NTAQ1: variants seen among roughly 807,000 people sequenced by gnomAD.
The protein encoded by NTAQ1 is N-terminal glutamine amidase 1, also known as protein N-terminal glutamine amidohydrolase.
In NTAQ1, 21 loss-of-function variants were observed where a neutral mutation model predicts 28.2. The observed-to-expected ratio is 0.74, with a 90% CI of 0.53 to 1.07. The LOEUF is 1.07. Ranked by LOEUF, NTAQ1 falls within the 50% of genes least tolerant of loss-of-function variation. The pLI is 0.00. For missense variants in NTAQ1, 264 were observed against 256.6 expected (o/e 1.03, Z -0.20); for synonymous variants, 105 against 90.0 (o/e 1.17, Z -0.94).
intron 6 of NTAQ1, among the ~76,000 whole-genome samples, chr8:123,461,889 C>G (rs1815833632): frequency 6.6e-6 from 1 of 152,054 alleles, no homozygotes; most frequent in African/African-American, 2.4e-5. Context: ...TTGGAGGAGG[C>G]TATGGCTAGA....
chr8:123,448,243 A>G (rs12675493), downstream of NTAQ1: 55,174 of 152,182 alleles, frequency 0.36, 10,129 homozygotes, highest in East Asian at 0.56. Flanking sequence ...TGATTTGGCC[A>G]TTTAGTCCTC....
At chr8:123,460,124 A>G (rs1264378940) in intron 6 of NTAQ1, among the ~76,000 whole-genome samples, 2 of 152,172 alleles carry the variant, frequency 1.3e-5, no homozygotes. Flanking sequence ...TTTATTTCAC[A>G]GCAGATATCT....
At chr8:123,436,028 G>A (rs1814686858) in intron 3 of NTAQ1, among the ~76,000 whole-genome samples, 2 of 151,328 alleles carry the variant, frequency 1.3e-5, no homozygotes, top group Admixed American at 6.6e-5. Flanking sequence ...AATTAGCTGG[G>A]CATCGTGGTG....
At chr8:123,430,706 G>A (rs1017196970) in intron 3 of NTAQ1, among the ~76,000 whole-genome samples, 41 of 152,114 alleles carry the variant, frequency 2.7e-4, no homozygotes, top group African/African-American at 9.2e-4. Context: ...GCTTGAACCC[G>A]GGAGGTGGAG....
At chr8:123,427,354 G>GCAATTCTCCTGCCTCAGCCTCC (rs1381777212) in intron 1 of NTAQ1, among the ~76,000 whole-genome samples, 27 of 146,716 alleles carry the variant, frequency 1.8e-4, no homozygotes, top group African/African-American at 6.5e-4. Flanking sequence ...TCAGGTTCGA[G>GCAATTCTCCTGCCTCAGCCTCC]CAATTCTCCT....
At chr8:123,427,342 T>G (rs1157039265) in intron 1 of NTAQ1, among the ~76,000 whole-genome samples, 1 of 148,316 alleles carries the variant, frequency 6.7e-6, no homozygotes, top group Admixed American at 6.9e-5. Flanking sequence ...AACTTCTGTC[T>G]CTCAGGTTCG....
intron 6 of NTAQ1, among the ~76,000 whole-genome samples, chr8:123,460,911 G>A (rs568495537): frequency 2.2e-4 from 33 of 152,330 alleles, no homozygotes; most frequent in Middle Eastern, 6.8e-3. Flanking sequence ...GAGGCGTGCC[G>A]TCTGACTTCT....
At chr8:123,464,365 C>T (rs1405672359) in intron 6 of NTAQ1, among the ~76,000 whole-genome samples, 1 of 152,148 alleles carries the variant, frequency 6.6e-6, no homozygotes, top group African/African-American at 2.4e-5. Context: ...GATATTTGGG[C>T]AGGGACCACA....
At chr8:123,450,542 AC>A (rs35711184), downstream of NTAQ1, among the ~76,000 whole-genome samples, 46,041 of 151,694 alleles carry the variant, frequency 0.3, 7,446 homozygotes, top group South Asian at 0.45. Context: ...CTCCAAGGAG[AC>A]CTCTCATGAC....
intron 3 of NTAQ1, among the ~76,000 whole-genome samples, chr8:123,436,196 C>T (rs1298306733): frequency 6.7e-6 from 1 of 149,242 alleles, no homozygotes; most frequent in African/African-American, 2.5e-5. Flanking sequence ...AAAAAGTTTC[C>T]TAGAGGTAAA....
chr8:123,432,298 A>G (rs1360339842), intron 3 of NTAQ1, among the ~76,000 whole-genome samples: 1 of 152,232 alleles, frequency 6.6e-6, no homozygotes, highest in Non-Finnish European at 1.5e-5. Flanking sequence ...ATAAAAGTCT[A>G]TGACATCACA....
intron 6 of NTAQ1, among the ~76,000 whole-genome samples, chr8:123,464,036 G>T (rs1287462168): frequency 6.6e-6 from 1 of 152,164 alleles, no homozygotes; most frequent in East Asian, 1.9e-4. Flanking sequence ...ATGTTAAGAC[G>T]TGACTTTGCT....
downstream of NTAQ1, among the ~76,000 whole-genome samples, chr8:123,444,465 G>T (rs1586957561): frequency 6.6e-6 from 1 of 152,186 alleles, no homozygotes; most frequent in Non-Finnish European, 1.5e-5. Context: ...CTCCCAAAAT[G>T]CTGGGATTAC....
downstream of NTAQ1, among the ~76,000 whole-genome samples, chr8:123,446,254 C>T (rs1815280918): frequency 6.6e-6 from 1 of 152,178 alleles, no homozygotes; most frequent in Admixed American, 6.5e-5. Context: ...ATTCCCCCCA[C>T]CTCAGCCTCC....
At chr8:123,469,076 TTTG>T (rs1343730568) in exon 7 of NTAQ1, among the ~76,000 whole-genome samples, 1 of 152,204 alleles carries the variant, frequency 6.6e-6, no homozygotes, top group Non-Finnish European at 1.5e-5. Context: ...TTATTTGATT[TTTG>T]TTGTTGAGTT....
chr8:123,417,614 A>G, intron 1 of NTAQ1, among the ~76,000 whole-genome samples: 1 of 152,112 alleles, frequency 6.6e-6, no homozygotes, highest in East Asian at 1.9e-4. Context: ...CTTAGTCCTC[A>G]TACCTACTCT....
rs781118586 is a variant in NTAQ1, at chr8:123,433,472, G to T, written c.235-2981G>T. 3.3e-5 allele frequency among the ~76,000 whole-genome samples: 5 copies of T among 152,072 alleles called. 1 individual carries two copies. The highest frequency in any genetic ancestry group is 7.4e-5 in the Non-Finnish European group (5 of 68,020). On this transcript the variant is annotated intron_variant, in intron 3 of 5. Transcript: ENST00000287387. ...TATTTATTTATTTGTTTTTGAGACA[G>T]ATTCTTGCTCTGTTGCCCAGGCTGG...
At position 123,418,021 on chromosome 8, in the gene NTAQ1, A is replaced by G. The variant is rs1186832884; in HGVS notation, c.83+1089A>G. On this transcript the variant is annotated intron_variant, in intron 1 of 5. Coordinates refer to ENST00000287387, the MANE Select transcript of NTAQ1 (RefSeq NM_018024.3). ...TAGTTCTCCTCCCTAATGTCCAGTC[A>G]TTGTTTTATTCATTCATTCAATAAA... 2.0e-5 allele frequency among the ~76,000 whole-genome samples: 3 copies of G among 152,240 alleles called. 1 individual carries two copies. Among genetic ancestry groups the G allele is most frequent in the Middle Eastern group, 6.8e-3 (2 of 294 alleles).
At chr8:123,424,961 G>T (rs915609747) in intron 1 of NTAQ1, among the ~76,000 whole-genome samples, 3 of 152,078 alleles carry the variant, frequency 2.0e-5, no homozygotes, top group African/African-American at 7.2e-5. Context: ...GGTATTTGCG[G>T]TAAACTCCCG....
Sources: allele counts gnomAD v4.1 joint callset (sites outside exome capture counted in the v4.1 genomes callset), GRCh38; gene constraint gnomAD v4.1.1; transcripts MANE v1.5; gene names NCBI Gene and HGNC (gene_info 2026-07-23, HGNC 2026-07-21).